PTPRA: variants seen among roughly 807,000 people sequenced by gnomAD.
PTPRA encodes the protein receptor-type tyrosine-protein phosphatase alpha.
PTPRA carries 25 observed loss-of-function variants against 104.8 expected under a neutral mutation model. That is an observed-to-expected ratio of 0.24 (90% CI 0.17 to 0.33). The LOEUF (loss-of-function observed/expected upper bound fraction) is 0.33. PTPRA is among the 10% of genes least tolerant of loss of function. The probability of loss-of-function intolerance (pLI) is 1.00; values close to 1 mark genes in which losing one functional copy is unlikely to be tolerated. For missense variants in PTPRA, 765 were observed against 1,015.3 expected (o/e 0.75, Z 3.35); for synonymous variants, 323 against 368.9 (o/e 0.88, Z 1.43).
intron 2 of PTPRA, among the ~76,000 whole-genome samples, chr20:2,943,024 G>A (rs2060978289): frequency 6.6e-6 from 1 of 151,408 alleles, no homozygotes; most frequent in Non-Finnish European, 1.5e-5. Context: ...TTGCTTTTTG[G>A]ATTGATAGAC....
chr20:3,019,879 C>T (rs2064758846), intron 13 of PTPRA, among the ~76,000 whole-genome samples: 1 of 152,106 alleles, frequency 6.6e-6, no homozygotes, highest in Non-Finnish European at 1.5e-5. Flanking sequence ...GGAGACCAGC[C>T]CGGCCAACAC....
At chr20:2,901,397 TA>T (rs2059232237) in intron 1 of PTPRA, among the ~76,000 whole-genome samples, 4 of 152,164 alleles carry the variant, frequency 2.6e-5, no homozygotes, top group Admixed American at 2.6e-4. Flanking sequence ...ATATGTACAA[TA>T]ATGTATTTTT....
intron 3 of PTPRA, among the ~76,000 whole-genome samples, chr20:2,948,844 G>T (rs750483776): frequency 2.0e-5 from 3 of 151,970 alleles, no homozygotes; most frequent in Non-Finnish European, 2.9e-5. Flanking sequence ...CCCAGCTGCT[G>T]GGGAGGCTGA....
intron 1 of PTPRA, among the ~76,000 whole-genome samples, chr20:2,891,975 G>A (rs1304481958): frequency 1.3e-5 from 2 of 151,870 alleles, no homozygotes; most frequent in Admixed American, 1.3e-4. Flanking sequence ...TTGATCTGTG[G>A]ATGTGCAACC....
chr20:2,920,294 T>C (rs1739219366), intron 1 of PTPRA, among the ~76,000 whole-genome samples: 1 of 152,114 alleles, frequency 6.6e-6, no homozygotes, highest in South Asian at 2.1e-4. Flanking sequence ...GAAATGGATG[T>C]GGGAGGAAAG....
At chr20:2,910,480 CTTTTTTTTTT>C (rs34928941) in intron 1 of PTPRA, among the ~76,000 whole-genome samples, 1 of 16,778 alleles carries the variant, frequency 6.0e-5, no homozygotes, top group Non-Finnish European at 9.3e-5. Context: ...TTTATATATA[CTTTTTTTTTT>C]TTTTTTTTTT....
At chr20:2,883,675 A>AAAAAAAAAAAG (rs1568638017) in intron 1 of PTPRA, among the ~76,000 whole-genome samples, 1 of 22,668 alleles carries the variant, frequency 4.4e-5, no homozygotes, top group African/African-American at 9.9e-4. Context: ...AAAAAAAAAA[A>AAAAAAAAAAAG]AAAGAAAGAA....
intron 20 of PTPRA, among the ~76,000 whole-genome samples, chr20:3,034,126 C>G (rs1467624614): frequency 1.3e-5 from 2 of 152,026 alleles, no homozygotes; most frequent in Non-Finnish European, 2.9e-5. Flanking sequence ...CAAAAATTAG[C>G]TAGGCATGGT....
intron 1 of PTPRA, among the ~76,000 whole-genome samples, chr20:2,887,055 T>C (rs2090432032): frequency 6.6e-6 from 1 of 152,146 alleles, no homozygotes; most frequent in South Asian, 2.1e-4. Flanking sequence ...GGATTCATGT[T>C]TCTTTTTGGT....
intron 3 of PTPRA, among the ~76,000 whole-genome samples, chr20:2,949,488 T>G (rs1317407993): frequency 6.6e-6 from 1 of 152,042 alleles, no homozygotes; most frequent in Non-Finnish European, 1.5e-5. Context: ...AGACAAGGTT[T>G]TGCTATGTTG....
intron 1 of PTPRA, among the ~76,000 whole-genome samples, chr20:2,894,715 G>T: frequency 6.6e-6 from 1 of 152,082 alleles, no homozygotes; most frequent in East Asian, 1.9e-4. Flanking sequence ...AGCCAGGCCT[G>T]GTGGCTCATG....
chr20:3,001,016 C>T (rs762148633), intron 9 of PTPRA, among the ~76,000 whole-genome samples: 5 of 151,780 alleles, frequency 3.3e-5, no homozygotes, highest in African/African-American at 4.8e-5. Context: ...TTTTTTTAAC[C>T]GACATGTCTT....
intron 1 of PTPRA, among the ~76,000 whole-genome samples, chr20:2,909,475 G>T (rs1349881154): frequency 5.3e-5 from 8 of 151,698 alleles, no homozygotes; most frequent in African/African-American, 1.9e-4. Flanking sequence ...CCAGCTACTC[G>T]GGAGGCTGAG....
intron 6 of PTPRA, among the ~76,000 whole-genome samples, chr20:2,976,936 C>G (rs2062457708): frequency 6.6e-6 from 1 of 152,136 alleles, no homozygotes; most frequent in Non-Finnish European, 1.5e-5. Flanking sequence ...ACTTTTCTTC[C>G]TCTTCTGAAG....
intron 3 of PTPRA, among the ~76,000 whole-genome samples, chr20:2,956,167 T>C (rs1302988869): frequency 6.6e-6 from 1 of 152,164 alleles, no homozygotes; most frequent in Non-Finnish European, 1.5e-5. Flanking sequence ...TCAGAAAGCT[T>C]CAGTCAGTGA....
chr20:2,876,769 T>TG (rs1489222091), intron 1 of PTPRA, among the ~76,000 whole-genome samples: 1 of 152,206 alleles, frequency 6.6e-6, no homozygotes, highest in Non-Finnish European at 1.5e-5. Flanking sequence ...CACCCGTTTC[T>TG]GGGGGGTTGT....
Position 3,000,244 on chromosome 20 carries a change from C to T in PTPRA, c.739-4812C>T, listed in dbSNP as rs540058497. ...TGGAGGCTGCAGTGAGCCAAGATTGCGCCACTGCACTCCAGTCTGGGTGAC... is the reference window on the plus strand; with the variant it reads ...TGGAGGCTGCAGTGAGCCAAGATTGTGCCACTGCACTCCAGTCTGGGTGAC... On this transcript the variant is annotated intron_variant, in intron 9 of 23. Transcript: ENST00000399903. Among the ~76,000 whole-genome samples, 18 of 152,024 alleles carry T rather than the reference C, an allele frequency of 1.2e-4. No homozygotes were observed. The South Asian group carries it at 1.9e-3, about 16-fold the overall frequency.
chr20:2,913,895 A>AT (rs1402920065), intron 1 of PTPRA, among the ~76,000 whole-genome samples: 1 of 151,994 alleles, frequency 6.6e-6, no homozygotes, highest in East Asian at 1.9e-4. Context: ...ACCCATTGAA[A>AT]TTTTTTTGCT....
chr20:2,969,919 G>A (rs372934062), intron 5 of PTPRA, among the ~76,000 whole-genome samples: 1 of 151,814 alleles, frequency 6.6e-6, no homozygotes, highest in Non-Finnish European at 1.5e-5. Context: ...GCAGTGAGCC[G>A]AGATTGCGCC....
Sources: gnomAD v4.1 joint callset for allele counts (sites outside exome capture counted in the v4.1 genomes callset) on GRCh38, gnomAD v4.1.1 for gene constraint, MANE v1.5 for transcripts, NCBI Gene and HGNC (gene_info 2026-07-23, HGNC 2026-07-21) for gene names.